Variants in HDAC9 observed in about 807,000 individuals in gnomAD.
HDAC9 encodes histone deacetylase 9, also known as MEF-2 interacting transcription repressor (MITR) protein.
In HDAC9, 41 loss-of-function variants were observed where a neutral mutation model predicts 139.4. The ratio of observed to expected loss-of-function variants is 0.29; its 90% CI spans 0.23 to 0.38. HDAC9 has a LOEUF of 0.38. Ranked by LOEUF, HDAC9 falls within the 10% of genes least tolerant of loss-of-function variation. The pLI, the probability that HDAC9 is intolerant of heterozygous loss-of-function variation, is 1.00. For synonymous variants in HDAC9, 517 were observed against 476.2 expected (o/e 1.09, Z -1.12); for missense variants, 1,147 against 1,297.0 (o/e 0.88, Z 1.78).
intron 12 of HDAC9, among the ~76,000 whole-genome samples, chr7:18,706,100 A>C (rs1178111): frequency 0.3 from 45,109 of 148,614 alleles, 8,227 homozygotes; most frequent in African/African-American, 0.52. Context: ...TTCTTGCCTT[A>C]ATGCTAACCA....
chr7:18,521,496 T>C (rs1215121090), intron 2 of HDAC9, among the ~76,000 whole-genome samples: 1 of 152,188 alleles, frequency 6.6e-6, no homozygotes, highest in African/African-American at 2.4e-5. Context: ...TTGCACACCA[T>C]GAATAAAATA....
intron 22 of HDAC9, among the ~76,000 whole-genome samples, chr7:18,881,356 G>C (rs748969192): frequency 2.4e-4 from 37 of 152,012 alleles, no homozygotes; most frequent in Non-Finnish European, 4.9e-4. Flanking sequence ...TGGATTCTAA[G>C]GTCCTCTCTT....
chr7:18,923,856 T>C (rs1803977867), intron 22 of HDAC9, among the ~76,000 whole-genome samples: 1 of 152,098 alleles, frequency 6.6e-6, no homozygotes, highest in African/African-American at 2.4e-5. Context: ...CTATGGAATA[T>C]GTAATGTTAT....
intron 2 of HDAC9, among the ~76,000 whole-genome samples, chr7:18,538,516 C>G (rs563571891): frequency 3.3e-4 from 51 of 152,264 alleles, no homozygotes; most frequent in Admixed American, 1.8e-3. Context: ...TTTATTTTTA[C>G]CCCTTACTAA....
chr7:18,821,553 A>G (rs1794975412), intron 17 of HDAC9, among the ~76,000 whole-genome samples: 1 of 152,192 alleles, frequency 6.6e-6, no homozygotes, highest in African/African-American at 2.4e-5. Flanking sequence ...CAGCGGGAAA[A>G]GGAAGATCAA....
intron 2 of HDAC9, among the ~76,000 whole-genome samples, chr7:18,549,338 A>AT (rs1473792804): frequency 1.3e-5 from 2 of 152,220 alleles, no homozygotes; most frequent in Non-Finnish European, 2.9e-5. Flanking sequence ...CGCACAGAAT[A>AT]TTGTGCACAG....
chr7:18,644,826 C>T, intron 9 of HDAC9, 33 bp downstream of exon 9: 4 of 1,582,228 alleles, frequency 2.5e-6, no homozygotes, highest in Non-Finnish European at 2.6e-6. Flanking sequence ...CCTTAATCAA[C>T]CTAAGCAATA....
intron 1 of HDAC9, among the ~76,000 whole-genome samples, chr7:18,411,939 C>T (rs1031766648): frequency 2.0e-5 from 3 of 150,082 alleles, no homozygotes; most frequent in African/African-American, 7.3e-5. Flanking sequence ...GATTCTTCTG[C>T]CTCAGCCTCC....
At chr7:18,874,704 C>A in intron 22 of HDAC9, 108 bp downstream of exon 22, 1 of 659,876 alleles carries the variant, frequency 1.5e-6, no homozygotes, top group Non-Finnish European at 2.7e-6. Flanking sequence ...TTGGGTGAGA[C>A]ATTTGAAAAT....
intron 2 of HDAC9, among the ~76,000 whole-genome samples, chr7:18,263,781 G>A (rs967953993): frequency 6.6e-6 from 1 of 151,704 alleles, no homozygotes; most frequent in Non-Finnish European, 1.5e-5. Flanking sequence ...GCTAATTTTT[G>A]TAATTTTTCT....
In HDAC9 at chr7:18,955,939, G is replaced by A. The variant is rs567105412; in HGVS notation, c.3022+1709G>A. ...ATAGGTATAAAAAGGCGTAATTTCT[G>A]TACATCTTTAGAAACTCTACTGTTG... On this transcript the variant is annotated intron_variant, in intron 24 of 25. Transcript: ENST00000686413. 1.4e-4 allele frequency among the ~76,000 whole-genome samples: 21 copies of A among 152,240 alleles called. No individual in the cohort carries two copies. In the East Asian group the frequency reaches 3.7e-3, roughly 27 times the overall value.
rs574415177 is a variant in HDAC9, at chr7:18,621,657, T to C, written c.665-7693T>C. Among the ~76,000 whole-genome samples, 48 of 152,296 alleles carry C rather than the reference T, an allele frequency of 3.2e-4. No homozygotes were observed. The South Asian group carries it at 7.0e-3, about 22-fold the overall frequency. ...TGAATTACATACTGTTAAGTGGTTA[T>C]AATTAGAAATAGTTACATTAGAAAT... On this transcript the variant is annotated intron_variant, in intron 6 of 25. Transcript: ENST00000686413.
chr7:18,192,112 C>T (rs1262220664), intron 2 of HDAC9, among the ~76,000 whole-genome samples: 1 of 152,134 alleles, frequency 6.6e-6, no homozygotes, highest in African/African-American at 2.4e-5. Flanking sequence ...TAGGATGAAC[C>T]CGGCCGGGGG....
chr7:18,193,190 A>G (rs1790479216), intron 2 of HDAC9, among the ~76,000 whole-genome samples: 3 of 152,140 alleles, frequency 2.0e-5, no homozygotes, highest in Non-Finnish European at 4.4e-5. Context: ...TTGTAATACC[A>G]AGGGGAAAAG....
intron 22 of HDAC9, among the ~76,000 whole-genome samples, chr7:18,889,616 A>G (rs554715638): frequency 6.6e-6 from 1 of 152,296 alleles, no homozygotes; most frequent in South Asian, 2.1e-4. Flanking sequence ...AGCCTGCCAG[A>G]CCAGTACTTG....
chr7:18,299,373 C>T (rs556337093), intron 1 of HDAC9, among the ~76,000 whole-genome samples: 2 of 152,202 alleles, frequency 1.3e-5, no homozygotes, highest in Admixed American at 1.3e-4. Context: ...CAAGTAATCT[C>T]ATCAAGAAGC....
At chr7:18,501,427 A>C (rs1184356934) in intron 2 of HDAC9, among the ~76,000 whole-genome samples, 1 of 152,154 alleles carries the variant, frequency 6.6e-6, no homozygotes, top group African/African-American at 2.4e-5. Flanking sequence ...GATTTTTAAA[A>C]ATAGTTTATT....
chr7:18,979,515 T>G (rs1448858331), intron 25 of HDAC9, among the ~76,000 whole-genome samples: 8 of 152,194 alleles, frequency 5.3e-5, no homozygotes, highest in Non-Finnish European at 1.0e-4. Flanking sequence ...AACTAAGAAC[T>G]TATTTAGACA....
chr7:18,925,050 G>A (rs899765650), intron 22 of HDAC9, among the ~76,000 whole-genome samples: 6 of 152,112 alleles, frequency 3.9e-5, no homozygotes, highest in African/African-American at 9.7e-5. Context: ...TGAAAAAATA[G>A]CAAAAAAATC....
Sources: allele counts gnomAD v4.1 joint callset (sites outside exome capture counted in the v4.1 genomes callset), GRCh38; gene constraint gnomAD v4.1.1; transcripts MANE v1.5; gene names NCBI Gene and HGNC (gene_info 2026-07-23, HGNC 2026-07-21).